The following YEATS2 variants were observed in gnomAD, a reference collection of about 807,000 sequenced individuals.
YEATS2 encodes the protein YEATS domain containing 2, also known as YEATS domain-containing protein 2.
In YEATS2, 77 loss-of-function variants were observed where a neutral mutation model predicts 163.2. The ratio of observed to expected loss-of-function variants is 0.47; its 90% CI spans 0.39 to 0.57. YEATS2 has a LOEUF of 0.57. Ranked by LOEUF, YEATS2 falls within the 20% of genes least tolerant of loss-of-function variation. YEATS2 has a pLI of 0.00. For missense variants in YEATS2, 1,549 were observed against 1,729.8 expected (o/e 0.90, Z 1.85); for synonymous variants, 631 against 645.1 (o/e 0.98, Z 0.33).
chr3:183,745,671 T>C (rs1171872158), intron 8 of YEATS2, among the ~76,000 whole-genome samples: 3 of 152,218 alleles, frequency 2.0e-5, no homozygotes, highest in Non-Finnish European at 4.4e-5. Flanking sequence ...TTAAAGTTCC[T>C]AGAATGTGTG....
intron 8 of YEATS2, among the ~76,000 whole-genome samples, chr3:183,745,750 A>T (rs559999532): frequency 6.6e-6 from 1 of 152,340 alleles, no homozygotes; most frequent in African/African-American, 2.4e-5. Context: ...CCTAGAGCAC[A>T]GCACTTCCCA....
chr3:183,716,179 T>C (rs994649623), intron 2 of YEATS2, among the ~76,000 whole-genome samples: 1 of 152,154 alleles, frequency 6.6e-6, no homozygotes, highest in African/African-American at 2.4e-5. Context: ...CAGGATGGTC[T>C]CCATCTCCTG....
chr3:183,732,973 A>G (rs531107582), intron 7 of YEATS2, among the ~76,000 whole-genome samples: 7 of 151,848 alleles, frequency 4.6e-5, no homozygotes, highest in African/African-American at 9.7e-5. Flanking sequence ...CTGTCCTCCT[A>G]CTTTAGCCTC....
At chr3:183,741,774 C>A (rs780141114) in intron 8 of YEATS2, among the ~76,000 whole-genome samples, 5 of 151,882 alleles carry the variant, frequency 3.3e-5, no homozygotes, top group Non-Finnish European at 5.9e-5. Flanking sequence ...GAGCGAGACT[C>A]CATCTCAAAA....
chr3:183,713,427 G>T (rs1241303043), intron 1 of YEATS2, among the ~76,000 whole-genome samples: 3 of 152,114 alleles, frequency 2.0e-5, no homozygotes, highest in Non-Finnish European at 4.4e-5. Flanking sequence ...GCTGGGTGTG[G>T]TGGTGCATGC....
intron 4 of YEATS2, among the ~76,000 whole-genome samples, chr3:183,721,532 ATTTC>A (rs1428602938): frequency 6.6e-6 from 1 of 152,144 alleles, no homozygotes; most frequent in Non-Finnish European, 1.5e-5. Context: ...GTATTTTTAT[ATTTC>A]TTTCAGGGAT....
At chr3:183,740,171 A>G (rs59282396) in intron 8 of YEATS2, among the ~76,000 whole-genome samples, 3,180 of 150,106 alleles carry the variant, frequency 0.021, 114 homozygotes, top group African/African-American at 0.074. Context: ...TGAACAGGCA[A>G]CCTACAACAT....
At chr3:183,751,123 A>G (rs1720117812) in intron 9 of YEATS2, among the ~76,000 whole-genome samples, 1 of 152,146 alleles carries the variant, frequency 6.6e-6, no homozygotes, top group Non-Finnish European at 1.5e-5. Flanking sequence ...ATTTTGGTAT[A>G]TAGTGTAAGG....
rs189165246 is a variant in YEATS2, at chr3:183,701,162, A to T, written c.-20+3169A>T. Among the ~76,000 whole-genome samples the T allele has an allele frequency of 4.3e-3, 621 of 144,542 alleles. 2 individuals are homozygous for T. Among genetic ancestry groups the T allele is most frequent in the African/African-American group, 0.015 (573 of 38,898 alleles). The allele number at this position is 144,542 out of a possible 152,430, so 94.8% of individuals were successfully genotyped here. ...AGTGGCGCAATCTCAGCTCTCTGCA[A>T]GCTCTGCCTCCCGGGTTCACGCCTT... On this transcript the variant is annotated intron_variant, in intron 1 of 30. Transcript: ENST00000305135.
chr3:183,717,961 G>A (rs1223141682), intron 3 of YEATS2, among the ~76,000 whole-genome samples: 1 of 150,586 alleles, frequency 6.6e-6, no homozygotes, highest in East Asian at 1.9e-4. Context: ...ATATTACCTG[G>A]AATTCCATTC....
At position 183,803,992 on chromosome 3, in the gene YEATS2, A is replaced by G. The variant is rs138187885; in HGVS notation, c.3588A>G (p.Gln1196=). Reference sequence around the variant, plus strand: ...AAGAAAATTTTTTTTTTAAGTGGCAAAGAGCAATGACAATGCGAAAAGTCT... The same window carrying G: ...AAGAAAATTTTTTTTTTAAGTGGCAGAGAGCAATGACAATGCGAAAAGTCT... ...NIGKRRAAEW[Q]RAMTMRKVLQ... The change falls in exon 27 of 31, where the codon CAA becomes CAG. Residue 1196 remains glutamine, a synonymous_variant. Transcript: ENST00000305135. The G allele has an allele frequency of 3.1e-5, 50 of 1,613,982 alleles. No individual in the cohort carries two copies. In the Middle Eastern group the frequency reaches 4.9e-4, roughly 16 times the overall value.
intron 25 of YEATS2, 174 bp from the exon 26 acceptor site, chr3:183,803,082 A>C (rs2289450): frequency 7.8e-6 from 5 of 644,940 alleles, no homozygotes; most frequent in Non-Finnish European, 1.4e-5. Context: ...ACGGCAAGAC[A>C]CCTTCTCTTC....
intron 7 of YEATS2, among the ~76,000 whole-genome samples, chr3:183,733,159 T>C (rs1717984581): frequency 6.6e-6 from 1 of 152,256 alleles, no homozygotes; most frequent in Non-Finnish European, 1.5e-5. Context: ...GAGTGAATTA[T>C]TGAATTCATG....
intron 4 of YEATS2, among the ~76,000 whole-genome samples, chr3:183,719,849 C>G (rs1047847654): frequency 2.0e-5 from 3 of 152,122 alleles, no homozygotes. Context: ...GTAGCTAGGA[C>G]TGCAGCTTTG....
At chr3:183,732,447 T>A (rs1291280701) in intron 7 of YEATS2, among the ~76,000 whole-genome samples, 1 of 149,762 alleles carries the variant, frequency 6.7e-6, no homozygotes, top group East Asian at 2.0e-4. Flanking sequence ...AGCAAGACTC[T>A]GTCTCAAAAT....
intron 9 of YEATS2, among the ~76,000 whole-genome samples, chr3:183,748,462 G>A (rs1425816581): frequency 6.6e-6 from 1 of 152,018 alleles, no homozygotes; most frequent in Non-Finnish European, 1.5e-5. Flanking sequence ...ATGTTGGTCA[G>A]GCTGCTCTCG....
intron 17 of YEATS2, among the ~76,000 whole-genome samples, chr3:183,775,357 G>A (rs1722874249): frequency 6.6e-6 from 1 of 152,346 alleles, no homozygotes; most frequent in South Asian, 2.1e-4. Context: ...CAGCACTTTG[G>A]AGGGCCAAGG....
intron 8 of YEATS2, among the ~76,000 whole-genome samples, chr3:183,740,928 A>G (rs1354584571): frequency 6.6e-6 from 1 of 151,928 alleles, no homozygotes; most frequent in Non-Finnish European, 1.5e-5. Flanking sequence ...GGGGCTGGTG[A>G]CTTTATTTAT....
intron 1 of YEATS2, among the ~76,000 whole-genome samples, chr3:183,704,833 T>C (rs1714460898): frequency 6.6e-6 from 1 of 152,126 alleles, no homozygotes; most frequent in African/African-American, 2.4e-5. Flanking sequence ...TTTACCACAT[T>C]GGCCAGGCTA....
Sources: allele counts gnomAD v4.1 joint callset (sites outside exome capture counted in the v4.1 genomes callset), GRCh38; gene constraint gnomAD v4.1.1; transcripts MANE v1.5; gene names NCBI Gene and HGNC (gene_info 2026-07-23, HGNC 2026-07-21).